The following MDGA2 variants were observed in gnomAD, a reference collection of about 807,000 sequenced individuals.
The protein encoded by MDGA2 is MAM domain containing glycosylphosphatidylinositol anchor 2.
A neutral mutation model predicts 117.8 loss-of-function variants in MDGA2; 40 were observed. That is an observed-to-expected ratio of 0.34 (90% CI 0.26 to 0.44). MDGA2 has a LOEUF of 0.44. MDGA2 is among the 20% of genes least tolerant of loss of function. The pLI, the probability that MDGA2 is intolerant of heterozygous loss-of-function variation, is 1.00. For synonymous variants in MDGA2, 452 were observed against 439.0 expected (o/e 1.03, Z -0.37); for missense variants, 1,123 against 1,250.6 (o/e 0.90, Z 1.54).
At chr14:47,306,842 G>GGAGAGAGAGAGAGAGAGAGAGAGAGAGA (rs10629208) in intron 1 of MDGA2, among the ~76,000 whole-genome samples, 1 of 146,598 alleles carries the variant, frequency 6.8e-6, no homozygotes, top group South Asian at 2.2e-4. Context: ...AGAGAAAGAG[G>GGAGAGAGAGAGAGAGAGAGAGAGAGAGA]GAGAGAGAGA....
intron 8 of MDGA2, among the ~76,000 whole-genome samples, chr14:46,982,232 C>T (rs949735045): frequency 1.3e-5 from 2 of 151,874 alleles, no homozygotes; most frequent in African/African-American, 2.4e-5. Flanking sequence ...AGTATGGTAA[C>T]CGTATAATTT....
intron 8 of MDGA2, among the ~76,000 whole-genome samples, chr14:47,027,627 T>TTATA (rs145057227): frequency 0.15 from 22,215 of 145,714 alleles, 1,884 homozygotes; most frequent in South Asian, 0.28. Context: ...ATATTATATA[T>TTATA]TATATATATA....
At chr14:47,122,388 T>C (rs1456809817) in intron 5 of MDGA2, among the ~76,000 whole-genome samples, 1 of 152,064 alleles carries the variant, frequency 6.6e-6, no homozygotes, top group Non-Finnish European at 1.5e-5. Flanking sequence ...GTGGATTTTT[T>C]CATTGAGTGA....
intron 1 of MDGA2, among the ~76,000 whole-genome samples, chr14:47,633,082 G>C (rs1055831243): frequency 1.4e-4 from 21 of 152,274 alleles, no homozygotes; most frequent in African/African-American, 4.8e-4. Flanking sequence ...TTATTTTCAT[G>C]CACCTGGGAT....
At chr14:47,308,502 G>GTTTT (rs68070912) in intron 1 of MDGA2, among the ~76,000 whole-genome samples, 1 of 112,920 alleles carries the variant, frequency 8.9e-6, no homozygotes, top group African/African-American at 3.3e-5. Flanking sequence ...CTTTCTGTTA[G>GTTTT]TTTTTTTTTT....
rs142935864 is a variant in MDGA2 at position 47,100,728 on chromosome 14, G to A, written c.926-3605C>T. Among the ~76,000 whole-genome samples the A allele has an allele frequency of 2.8e-3, 425 of 152,176 alleles. 4 individuals are homozygous for A. Among genetic ancestry groups the A allele is most frequent in the African/African-American group, 9.5e-3 (396 of 41,534 alleles). Reference sequence around the variant, plus strand: ...ATGAAAAATGAAAAAGGTGAAATACGTAAAGTAAAAAAGAGGGAAACTTTC... The same window carrying A: ...ATGAAAAATGAAAAAGGTGAAATACATAAAGTAAAAAAGAGGGAAACTTTC... On this transcript the variant is annotated intron_variant, in intron 5 of 16. Coordinates refer to ENST00000399232, the MANE Select transcript of MDGA2 (RefSeq NM_001113498.3).
At chr14:47,498,390 GATAA>G (rs762274968) in intron 1 of MDGA2, among the ~76,000 whole-genome samples, 1 of 152,064 alleles carries the variant, frequency 6.6e-6, no homozygotes, top group African/African-American at 2.4e-5. Flanking sequence ...CTGAGCAAAG[GATAA>G]ATATTTTTTT....
At chr14:47,664,832 A>G (rs1266013015) in intron 1 of MDGA2, among the ~76,000 whole-genome samples, 1 of 152,202 alleles carries the variant, frequency 6.6e-6, no homozygotes, top group Non-Finnish European at 1.5e-5. Flanking sequence ...AAAGTCTTTG[A>G]GTTTACCTCC....
intron 1 of MDGA2, among the ~76,000 whole-genome samples, chr14:47,397,297 A>C (rs533104070): frequency 6.6e-6 from 1 of 152,088 alleles, no homozygotes; most frequent in African/African-American, 2.4e-5. Flanking sequence ...ACATAAACAC[A>C]GGGAGGGTAA....
At chr14:47,489,012 A>C (rs2138649333) in intron 1 of MDGA2, among the ~76,000 whole-genome samples, 1 of 152,164 alleles carries the variant, frequency 6.6e-6, no homozygotes, top group East Asian at 1.9e-4. Context: ...TAAAAAATTA[A>C]TCTTCTTGTA....
At chr14:47,072,346 G>A (rs1331544455) in intron 6 of MDGA2, among the ~76,000 whole-genome samples, 1 of 152,086 alleles carries the variant, frequency 6.6e-6, no homozygotes, top group African/African-American at 2.4e-5. Context: ...AGCACCTCAA[G>A]AAAATATTTT....
At chr14:47,549,241 A>G (rs555626299) in intron 1 of MDGA2, among the ~76,000 whole-genome samples, 12 of 152,036 alleles carry the variant, frequency 7.9e-5, no homozygotes, top group Non-Finnish European at 1.6e-4. Flanking sequence ...CTCTTTTTGA[A>G]ATTCAATGAT....
chr14:47,608,818 A>C (rs1896787477), intron 1 of MDGA2, among the ~76,000 whole-genome samples: 2 of 152,086 alleles, frequency 1.3e-5, no homozygotes, highest in South Asian at 4.1e-4. Flanking sequence ...GATTCAGTTG[A>C]CAGGTGATGA....
At chr14:47,576,497 T>C (rs578208672) in intron 1 of MDGA2, among the ~76,000 whole-genome samples, 78 of 152,244 alleles carry the variant, frequency 5.1e-4, no homozygotes, top group Non-Finnish European at 7.9e-4. Context: ...CAAACAGCCA[T>C]ATTTCCCCAG....
intron 2 of MDGA2, among the ~76,000 whole-genome samples, chr14:47,245,363 T>C (rs1344801226): frequency 1.3e-5 from 2 of 151,818 alleles, no homozygotes; most frequent in Admixed American, 6.6e-5. Flanking sequence ...AAAATATGTG[T>C]TAACTGACAA....
At chr14:47,514,245 C>T (rs1293153733) in intron 1 of MDGA2, among the ~76,000 whole-genome samples, 1 of 152,020 alleles carries the variant, frequency 6.6e-6, no homozygotes, top group African/African-American at 2.4e-5. Flanking sequence ...TTTAAACAAC[C>T]GGCCTCATTT....
intron 1 of MDGA2, among the ~76,000 whole-genome samples, chr14:47,545,667 G>T (rs1895448089): frequency 1.3e-5 from 2 of 151,994 alleles, no homozygotes; most frequent in Non-Finnish European, 2.9e-5. Flanking sequence ...TTCAATCAAT[G>T]ACATTTAAGA....
At chr14:47,067,109 C>T (rs1890114276) in intron 6 of MDGA2, among the ~76,000 whole-genome samples, 1 of 152,148 alleles carries the variant, frequency 6.6e-6, no homozygotes, top group African/African-American at 2.4e-5. Flanking sequence ...GAGCAAAACT[C>T]CACCACAAAC....
intron 13 of MDGA2, 111 bp from the exon 14 acceptor site, chr14:46,873,702 A>G: frequency 2.1e-6 from 2 of 967,974 alleles, no homozygotes; most frequent in Non-Finnish European, 3.0e-6. Context: ...GGATAGGAAG[A>G]TTTGCATCTC....
Sources: allele counts gnomAD v4.1 joint callset (sites outside exome capture counted in the v4.1 genomes callset), GRCh38; gene constraint gnomAD v4.1.1; transcripts MANE v1.5; gene names NCBI Gene and HGNC (gene_info 2026-07-23, HGNC 2026-07-21).